Variants in CSMD3 observed in about 807,000 individuals in gnomAD.
CSMD3 encodes CUB and sushi domain-containing protein 3.
CSMD3 carries 177 observed loss-of-function variants against 435.2 expected under a neutral mutation model. That is an observed-to-expected ratio of 0.41 (90% CI 0.36 to 0.46). CSMD3 has a LOEUF of 0.46. CSMD3 is among the 20% of genes least tolerant of loss of function. The probability of loss-of-function intolerance (pLI) is 0.34; values close to 1 mark genes in which losing one functional copy is unlikely to be tolerated. For missense variants in CSMD3, 4,265 were observed against 4,504.6 expected, an observed-to-expected ratio of 0.95 and a Z score of 1.52; for synonymous variants, 1,656 against 1,520.5, an observed-to-expected ratio of 1.09 and a Z score of -2.07.
At chr8:112,364,725 C>A (rs955034853) in intron 38 of CSMD3, among the ~76,000 whole-genome samples, 2 of 151,986 alleles carry the variant, frequency 1.3e-5, no homozygotes, top group Non-Finnish European at 2.9e-5. Context: ...TACCAACAAT[C>A]AATATATTTA....
chr8:112,863,312 T>G, intron 10 of CSMD3, among the ~76,000 whole-genome samples: 1 of 152,008 alleles, frequency 6.6e-6, no homozygotes, highest in South Asian at 2.1e-4. Flanking sequence ...TCTTTAATAG[T>G]TTTATTATAT....
chr8:113,410,988 A>AAAAG (rs376528952), intron 1 of CSMD3, among the ~76,000 whole-genome samples: 40 of 150,550 alleles, frequency 2.7e-4, no homozygotes, highest in African/African-American at 9.3e-4. Flanking sequence ...GGAAGGAAGG[A>AAAAG]AAAGAAAGAA....
chr8:113,377,037 G>GGCGGA (rs2094389129), intron 1 of CSMD3: 7 of 1,155,070 alleles, frequency 6.1e-6, no homozygotes, highest in Non-Finnish European at 7.9e-6. Flanking sequence ...GTGGGGGTGG[G>GGCGGA]GCGGAGCGGA....
intron 26 of CSMD3, among the ~76,000 whole-genome samples, chr8:112,551,729 T>C (rs1264868386): frequency 6.6e-6 from 1 of 152,120 alleles, no homozygotes; most frequent in East Asian, 1.9e-4. Context: ...GCAAAAGTAA[T>C]GTACCAACTC....
intron 7 of CSMD3, among the ~76,000 whole-genome samples, chr8:112,960,502 C>G (rs1282034649): frequency 6.6e-6 from 1 of 151,600 alleles, no homozygotes; most frequent in Non-Finnish European, 1.5e-5. Context: ...CTGGGTTACA[C>G]AGGAAGACGA....
rs73351676 is a variant in CSMD3, at chr8:113,054,539, T to A, written c.918-35360A>T. Among the ~76,000 whole-genome samples, 1,257 of 152,292 alleles carry A rather than the reference T, an allele frequency of 8.3e-3. 30 individuals are homozygous for A. The highest frequency in any genetic ancestry group is 0.029 in the African/African-American group (1,189 of 41,564). On this transcript the variant is annotated intron_variant, in intron 5 of 70. Transcript: ENST00000297405. ...TCTGTAGCAATTGAAAAATTGCCCA[T>A]ATTCTTATCAAGACAAATTTCCTAT...
At chr8:112,902,913 C>T (rs1339329735) in intron 10 of CSMD3, among the ~76,000 whole-genome samples, 1 of 151,212 alleles carries the variant, frequency 6.6e-6, no homozygotes, top group African/African-American at 2.4e-5. Flanking sequence ...ATCTACTTCA[C>T]CCACTTCTTC....
chr8:112,918,455 T>A (rs529800613), intron 10 of CSMD3, among the ~76,000 whole-genome samples: 16 of 151,838 alleles, frequency 1.1e-4, no homozygotes, highest in Non-Finnish European at 1.8e-4. Flanking sequence ...TTTTCTTCAG[T>A]CTATTATTAT....
At chr8:112,260,750 C>T (rs955682394) in intron 61 of CSMD3, among the ~76,000 whole-genome samples, 6 of 151,826 alleles carry the variant, frequency 4.0e-5, no homozygotes, top group Non-Finnish European at 5.9e-5. Flanking sequence ...GGGCGAATTA[C>T]GTGACAAAAA....
At chr8:113,012,329 T>G (rs1214318872) in intron 6 of CSMD3, among the ~76,000 whole-genome samples, 1 of 151,886 alleles carries the variant, frequency 6.6e-6, no homozygotes, top group Non-Finnish European at 1.5e-5. Context: ...ATTGAATATT[T>G]CTGGAATTAC....
chr8:112,623,082 AAAAT>A (rs1834205311), intron 22 of CSMD3, among the ~76,000 whole-genome samples: 4 of 152,152 alleles, frequency 2.6e-5, no homozygotes, highest in African/African-American at 7.2e-5. Flanking sequence ...ACAACATAGA[AAAAT>A]GCATGAAATA....
intron 16 of CSMD3, among the ~76,000 whole-genome samples, chr8:112,667,829 A>G (rs2075562034): frequency 6.6e-6 from 1 of 152,026 alleles, no homozygotes; most frequent in Admixed American, 6.6e-5. Context: ...TTTTCACATC[A>G]TTTTCTTTAA....
rs1814476215 is a variant in CSMD3 at position 112,437,359 on chromosome 8, G to A, written c.5396-28327C>T. 2.0e-5 allele frequency among the ~76,000 whole-genome samples: 3 copies of A among 152,194 alleles called. No homozygotes were observed. In the South Asian group the frequency reaches 6.2e-4, roughly 32 times the overall value. ...CATAAAAAGTAAGAGTAAAACAGTA[G>A]TTCAATGTATACTTATTTACAGAAA... On this transcript the variant is annotated intron_variant, in intron 32 of 70. Transcript: ENST00000297405.
chr8:112,393,481 T>G (rs1301857483), intron 35 of CSMD3, among the ~76,000 whole-genome samples: 1 of 152,182 alleles, frequency 6.6e-6, no homozygotes, highest in Non-Finnish European at 1.5e-5. Context: ...TTTATCATAC[T>G]ATGCTTCCGT....
At chr8:113,252,174 A>T (rs1362415520) in intron 3 of CSMD3, among the ~76,000 whole-genome samples, 1 of 152,018 alleles carries the variant, frequency 6.6e-6, no homozygotes, top group Non-Finnish European at 1.5e-5. Flanking sequence ...TCTGTTAGTG[A>T]TCTTCCCTTC....
intron 5 of CSMD3, among the ~76,000 whole-genome samples, chr8:113,041,313 G>A (rs992574428): frequency 1.1e-4 from 16 of 151,962 alleles, no homozygotes; most frequent in Non-Finnish European, 2.2e-4. Flanking sequence ...TAGGGGTGGG[G>A]AAGTCAGGCT....
chr8:112,685,463 A>G lies in CSMD3; in HGVS notation c.2425T>C (p.Leu809=), dbSNP rs750429297. Residue 809 remains leucine, a synonymous_variant, in exon 15 of 71, where the codon TTG becomes CTG. Coordinates refer to ENST00000297405, the MANE Select transcript of CSMD3 (RefSeq NM_198123.2). Reference sequence around the variant, plus strand: ...ATTGAGTGGTCAGCCTGAAATTCCAATCGCAGTATGTGACTATTACTAGTA... The same window carrying G: ...ATTGAGTGGTCAGCCTGAAATTCCAGTCGCAGTATGTGACTATTACTAGTA... ...HLTSNSHILR[L]EFQADHSMSG... 28 of 1,613,940 alleles carry G rather than the reference A, an allele frequency of 1.7e-5. No homozygotes were observed. In the South Asian group the frequency reaches 2.7e-4, roughly 16 times the overall value.
chr8:113,173,475 C>CCA (rs2131887933), intron 4 of CSMD3, among the ~76,000 whole-genome samples: 1 of 152,134 alleles, frequency 6.6e-6, no homozygotes, highest in South Asian at 2.1e-4. Flanking sequence ...GCGTCCACTA[C>CCA]CACACATGGC....
At chr8:112,465,304 T>C (rs891850805) in intron 32 of CSMD3, among the ~76,000 whole-genome samples, 3 of 152,192 alleles carry the variant, frequency 2.0e-5, no homozygotes, top group Non-Finnish European at 2.9e-5. Context: ...AATTATCAGA[T>C]AGTAAATATT....
Sources: gnomAD v4.1 joint callset for allele counts (sites outside exome capture counted in the v4.1 genomes callset) on GRCh38, gnomAD v4.1.1 for gene constraint, MANE v1.5 for transcripts, NCBI Gene and HGNC (gene_info 2026-07-23, HGNC 2026-07-21) for gene names.